Variants in CCDC171 observed in about 807,000 individuals in gnomAD.
CCDC171 encodes coiled-coil domain-containing protein 171.
A neutral mutation model predicts 168.2 loss-of-function variants in CCDC171; 177 were observed. The observed-to-expected ratio is 1.05, with a 90% CI of 0.93 to 1.19. The LOEUF is 1.19. CCDC171 is among the 50% of genes most tolerant of loss of function. CCDC171 has a pLI of 0.00. For synonymous variants in CCDC171, 687 were observed against 540.8 expected (o/e 1.27, Z -3.75); for missense variants, 1,991 against 1,539.0 (o/e 1.29, Z -4.91).
chr9:15,608,489 T>G (rs186396771), intron 6 of CCDC171, among the ~76,000 whole-genome samples: 1 of 152,200 alleles, frequency 6.6e-6, no homozygotes, highest in African/African-American at 2.4e-5. Context: ...TTTAATTTCT[T>G]TTGAAATAGG....
intron 4 of CCDC171, among the ~76,000 whole-genome samples, chr9:15,583,287 C>T (rs200334594): frequency 7.9e-5 from 12 of 151,814 alleles, no homozygotes; most frequent in Non-Finnish European, 8.8e-5. Context: ...TGGTGGCGCA[C>T]GCCTGTAGTC....
intron 24 of CCDC171, among the ~76,000 whole-genome samples, chr9:15,893,821 AC>A (rs1252913580): frequency 6.6e-6 from 1 of 152,186 alleles, no homozygotes; most frequent in African/African-American, 2.4e-5. Flanking sequence ...ACACTTTTAC[AC>A]TGTTGGTAGG....
At chr9:15,993,372 G>T (rs1191274422) in intron 3 of CCDC171, among the ~76,000 whole-genome samples, 2 of 152,164 alleles carry the variant, frequency 1.3e-5, no homozygotes, top group Admixed American at 6.5e-5. Context: ...AAATGGTGCT[G>T]GGAAAACTGG....
At chr9:15,568,261 A>G (rs1018497536) in intron 2 of CCDC171, among the ~76,000 whole-genome samples, 2 of 148,480 alleles carry the variant, frequency 1.3e-5, no homozygotes, top group African/African-American at 5.0e-5. Context: ...TACATCTCCA[A>G]TACATCTTTT....
At chr9:15,718,594 T>G (rs776805812) in intron 11 of CCDC171, among the ~76,000 whole-genome samples, 4 of 152,368 alleles carry the variant, frequency 2.6e-5, no homozygotes, top group Middle Eastern at 6.8e-3. Flanking sequence ...GGTGCTTGTG[T>G]CACTTCTCCC....
intron 24 of CCDC171, among the ~76,000 whole-genome samples, chr9:15,877,759 G>T (rs1818051698): frequency 1.3e-5 from 2 of 151,974 alleles, no homozygotes; most frequent in Admixed American, 6.6e-5. Flanking sequence ...CAATAAAAAA[G>T]ATTCTACTTA....
intron 21 of CCDC171, among the ~76,000 whole-genome samples, chr9:15,788,148 G>C (rs1216694349): frequency 6.6e-6 from 1 of 152,152 alleles, no homozygotes; most frequent in South Asian, 2.1e-4. Context: ...ATGCTCTCTT[G>C]TGGGAGGCAA....
intron 6 of CCDC171, among the ~76,000 whole-genome samples, chr9:15,601,012 C>T (rs1235381620): frequency 1.3e-5 from 2 of 152,134 alleles, no homozygotes; most frequent in Non-Finnish European, 1.5e-5. Context: ...GGGAGTGACC[C>T]GATTTACAGG....
intron 1 of CCDC171, among the ~76,000 whole-genome samples, chr9:16,058,042 GAAA>G (rs201883453): frequency 5.6e-4 from 81 of 145,792 alleles, no homozygotes; most frequent in African/African-American, 1.9e-3. Context: ...TGAATTTTTT[GAAA>G]AAAAAAAAAT....
chr9:15,776,915 G>C (rs977655516), intron 18 of CCDC171, among the ~76,000 whole-genome samples: 16 of 152,128 alleles, frequency 1.1e-4, no homozygotes, highest in Non-Finnish European at 1.9e-4. Flanking sequence ...AGTATCATAA[G>C]ACAAGTAATG....
At position 15,744,535 on chromosome 9, in the gene CCDC171, C is replaced by G; in HGVS notation, c.2312C>G (p.Thr771Ser). ...GAGTTGTTCAAACTGGAAATTAGAA[C>G]TCTAGCCCAGGCTTTGTCAACTGTA... ...TFELFKLEIR[T>S]LAQALSTVEE... The change falls in exon 17 of 26, where the codon ACT becomes AGT. Residue 771 changes from threonine to serine, a missense_variant. Transcript: ENST00000380701. 6.2e-7 allele frequency: 1 copy of G among 1,614,176 alleles called. No homozygotes were observed. Among genetic ancestry groups the G allele is most frequent in the Admixed American group, 1.7e-5 (1 of 60,020 alleles).
chr9:15,840,048 A>G (rs2060611684), intron 21 of CCDC171, among the ~76,000 whole-genome samples: 1 of 152,176 alleles, frequency 6.6e-6, no homozygotes, highest in African/African-American at 2.4e-5. Context: ...AATATATAAC[A>G]TATTCACGTT....
chr9:15,661,644 C>A (rs1410163301), intron 8 of CCDC171, among the ~76,000 whole-genome samples: 1 of 152,180 alleles, frequency 6.6e-6, no homozygotes, highest in Non-Finnish European at 1.5e-5. Context: ...TAATCACCAT[C>A]TTATAAACTA....
chr9:15,600,431 G>C lies in CCDC171; in HGVS notation c.675+6259G>C, dbSNP rs1337264012. On this transcript the variant is annotated intron_variant, in intron 6 of 25. Coordinates refer to ENST00000380701, the MANE Select transcript of CCDC171 (RefSeq NM_173550.4). Reference sequence around the variant, plus strand: ...GACCCTGTTTGCCTGGGTATCAGCAGTAGAGGCTGCAGAACAGCAGATATT... The same window carrying C: ...GACCCTGTTTGCCTGGGTATCAGCACTAGAGGCTGCAGAACAGCAGATATT... Among the ~76,000 whole-genome samples the C allele has an allele frequency of 2.0e-5, 3 of 152,220 alleles. No homozygotes were observed. In the East Asian group the frequency reaches 5.8e-4, roughly 29 times the overall value.
chr9:15,786,737 C>T (rs555440562), intron 21 of CCDC171, among the ~76,000 whole-genome samples: 22 of 152,250 alleles, frequency 1.4e-4, no homozygotes, highest in Middle Eastern at 3.4e-3. Context: ...TGATAACCCA[C>T]CTTACGACAT....
chr9:15,808,289 G>T (rs1228934044), intron 21 of CCDC171, among the ~76,000 whole-genome samples: 1 of 152,180 alleles, frequency 6.6e-6, no homozygotes, highest in Non-Finnish European at 1.5e-5. Flanking sequence ...ATGGAGGGAT[G>T]TTTTGAGAAT....
At position 15,729,639 on chromosome 9, in the gene CCDC171, C is replaced by G; in HGVS notation, c.1890C>G (p.Asn630Lys). 1 of 1,612,660 alleles carries G rather than the reference C, an allele frequency of 6.2e-7. No homozygotes were observed. The highest frequency in any genetic ancestry group is 8.5e-7 in the Non-Finnish European group (1 of 1,179,094). ...GGCATCTAGAGTATATCTGTAAAAA[C>G]AAGTCTGACACGATGAGAGAGCTTC... is the stretch of plus-strand genomic sequence containing the variant. ...KIRHLEYICK[N>K]KSDTMRELQQ... Residue 630 changes from asparagine to lysine, a missense_variant, in exon 16 of 26, where the codon AAC (asparagine) becomes AAG (lysine). Transcript: ENST00000380701.
At chr9:16,096,328 TA>T in the CCDC171 span, among the ~76,000 whole-genome samples, 9 of 152,176 alleles carry the variant, frequency 5.9e-5, no homozygotes, top group African/African-American at 2.2e-4. Context: ...TAAGTCTGCA[TA>T]AAGGACAACC....
intron 11 of CCDC171, among the ~76,000 whole-genome samples, chr9:15,704,791 A>C (rs1334996978): frequency 2.0e-5 from 3 of 152,100 alleles, no homozygotes; most frequent in African/African-American, 7.2e-5. Flanking sequence ...GAAGTTATTT[A>C]CCGAGAGGAT....
Sources: gnomAD v4.1 joint callset for allele counts (sites outside exome capture counted in the v4.1 genomes callset) on GRCh38, gnomAD v4.1.1 for gene constraint, MANE v1.5 for transcripts, NCBI Gene and HGNC (gene_info 2026-07-23, HGNC 2026-07-21) for gene names.